The following C7orf78 variants were observed in gnomAD, a reference collection of about 807,000 sequenced individuals.
C7orf78 encodes putative uncharacterized protein C7orf78.
chr7:12,505,802 T>C, the C7orf78 span, among the ~76,000 whole-genome samples: 1 of 152,192 alleles, frequency 6.6e-6, no homozygotes, highest in Non-Finnish European at 1.5e-5. Context: ...CTTCAGTTAT[T>C]CAAGTAGTTC....
chr7:12,489,835 G>C, the C7orf78 span, among the ~76,000 whole-genome samples: 1 of 151,948 alleles, frequency 6.6e-6, no homozygotes, highest in East Asian at 1.9e-4. Flanking sequence ...AGATGGGTGG[G>C]GAAGTAATGA....
At chr7:12,541,709 G>C in the C7orf78 span, 1 of 151,836 alleles carries the variant, frequency 6.6e-6, no homozygotes, top group Non-Finnish European at 1.5e-5. Flanking sequence ...TATGAGCTTT[G>C]TGTTCACATA....
chr7:12,535,243 G>C, the C7orf78 span, among the ~76,000 whole-genome samples: 3 of 152,200 alleles, frequency 2.0e-5, no homozygotes, highest in Admixed American at 6.5e-5. Flanking sequence ...ACAAAAGAAA[G>C]AGGTTTATTG....
chr7:12,504,526 T>C, the C7orf78 span: 3 of 152,212 alleles, frequency 2.0e-5, no homozygotes, highest in African/African-American at 7.2e-5. Flanking sequence ...AAAACTTTTA[T>C]GAAAAGCTAT....
At chr7:12,513,724 G>C in the C7orf78 span, among the ~76,000 whole-genome samples, 1 of 151,628 alleles carries the variant, frequency 6.6e-6, no homozygotes, top group Non-Finnish European at 1.5e-5. Flanking sequence ...TTCTGGGCCG[G>C]GCGCGGTGGC....
chr7:12,502,998 C>G, the C7orf78 span, among the ~76,000 whole-genome samples: 55 of 149,734 alleles, frequency 3.7e-4, 1 homozygote, highest in East Asian at 9.7e-3. Context: ...AAACCAAACA[C>G]TGCATATTCT....
chr7:12,487,505 T>C, the C7orf78 span, among the ~76,000 whole-genome samples: 2 of 152,010 alleles, frequency 1.3e-5, no homozygotes, highest in African/African-American at 2.4e-5. Flanking sequence ...TTAAACCATA[T>C]AAACTCCTCC....
the C7orf78 span, chr7:12,491,751 T>A: frequency 2.0e-5 from 3 of 152,210 alleles, no homozygotes; most frequent in Non-Finnish European, 4.4e-5. Context: ...TCTCATGGCT[T>A]TAGAAATGCC....
the C7orf78 span, among the ~76,000 whole-genome samples, chr7:12,487,305 T>C: frequency 2.8e-4 from 43 of 152,068 alleles, no homozygotes; most frequent in African/African-American, 9.9e-4. Context: ...TTTACAAGTC[T>C]GTCTTTGAGA....
the C7orf78 span, among the ~76,000 whole-genome samples, chr7:12,504,202 C>G: frequency 1.3e-5 from 2 of 152,060 alleles, no homozygotes; most frequent in African/African-American, 4.8e-5. Context: ...ATTTGGAGTT[C>G]AATTATTCAT....
At chr7:12,525,753 C>T in the C7orf78 span, 3 of 393,388 alleles carry the variant, frequency 7.6e-6, no homozygotes, top group Non-Finnish European at 1.3e-5. Context: ...TAGGAAAAAT[C>T]AAACTCCAAC....
the C7orf78 span, among the ~76,000 whole-genome samples, chr7:12,517,105 G>T: frequency 6.6e-6 from 1 of 151,854 alleles, no homozygotes. Context: ...ATCTTGAATT[G>T]TACTCCCATA....
the C7orf78 span, among the ~76,000 whole-genome samples, chr7:12,508,640 C>T: frequency 1.3e-5 from 2 of 152,052 alleles, no homozygotes; most frequent in Admixed American, 1.3e-4. Context: ...TTTAAGGGTA[C>T]GTTAACTAAA....
chr7:12,497,474 TGGAGAATCG>T, the C7orf78 span, among the ~76,000 whole-genome samples: 15 of 52,046 alleles, frequency 2.9e-4, no homozygotes, highest in East Asian at 0.17. Context: ...GGACGGCACC[TGGAGAATCG>T]GGAAAATCGG....
At chr7:12,514,839 G>T in the C7orf78 span, among the ~76,000 whole-genome samples, 1 of 151,524 alleles carries the variant, frequency 6.6e-6, no homozygotes, top group African/African-American at 2.4e-5. Context: ...CTCAAAATTT[G>T]CTTCTCTGGG....
the C7orf78 span, among the ~76,000 whole-genome samples, chr7:12,521,664 T>G: frequency 7.8e-6 from 1 of 128,442 alleles, no homozygotes; most frequent in African/African-American, 3.0e-5. Flanking sequence ...TTTTTTTGGC[T>G]TAGCTTTCAT....
the C7orf78 span, among the ~76,000 whole-genome samples, chr7:12,536,851 T>G: frequency 6.6e-6 from 1 of 152,100 alleles, no homozygotes; most frequent in African/African-American, 2.4e-5. Flanking sequence ...ATGACAACAG[T>G]CACCTTTACT....
At chr7:12,512,688 A>G in the C7orf78 span, among the ~76,000 whole-genome samples, 33 of 152,302 alleles carry the variant, frequency 2.2e-4, no homozygotes, top group Non-Finnish European at 1.5e-4. Flanking sequence ...TTTGTATCAG[A>G]GTAATGCTGA....
the C7orf78 span, among the ~76,000 whole-genome samples, chr7:12,540,318 C>T: frequency 6.6e-6 from 1 of 152,350 alleles, no homozygotes; most frequent in African/African-American, 2.4e-5. Context: ...CTGCACTATT[C>T]TACCCTACTG....
Sources: gnomAD v4.1 joint callset for allele counts (sites outside exome capture counted in the v4.1 genomes callset) on GRCh38, gnomAD v4.1.1 for gene constraint, MANE v1.5 for transcripts, NCBI Gene and HGNC (gene_info 2026-07-23, HGNC 2026-07-21) for gene names.